The following ITPR1 variants were observed in gnomAD, a reference collection of about 807,000 sequenced individuals.
The protein encoded by ITPR1 is inositol 1,4,5-trisphosphate-gated calcium channel ITPR1.
ITPR1 carries 96 observed loss-of-function variants against 318.4 expected under a neutral mutation model. The ratio of observed to expected loss-of-function variants is 0.30; its 90% CI spans 0.26 to 0.36. ITPR1 has a LOEUF of 0.36. ITPR1 is among the 10% of genes least tolerant of loss of function. The probability of loss-of-function intolerance (pLI) is 1.00; values close to 1 mark genes in which losing one functional copy is unlikely to be tolerated. For missense variants in ITPR1, 2,440 were observed against 3,460.2 expected (o/e 0.71, Z 7.40); for synonymous variants, 1,312 against 1,289.9 (o/e 1.02, Z -0.37).
At chr3:4,647,775 T>C (rs1036919979) in intron 10 of ITPR1, among the ~76,000 whole-genome samples, 1 of 152,224 alleles carries the variant, frequency 6.6e-6, no homozygotes, top group African/African-American at 2.4e-5. Context: ...GGCATCTGTG[T>C]AGCTTCTCTG....
At chr3:4,784,582 T>TAA (rs1553744554) in intron 51 of ITPR1, among the ~76,000 whole-genome samples, 5 of 146,478 alleles carry the variant, frequency 3.4e-5, no homozygotes, top group South Asian at 2.2e-4. Context: ...TTTTTTTTTT[T>TAA]AAAAAAGGTG....
chr3:4,566,848 C>T (rs977984584), intron 4 of ITPR1, among the ~76,000 whole-genome samples: 3 of 152,192 alleles, frequency 2.0e-5, no homozygotes, highest in Non-Finnish European at 4.4e-5. Flanking sequence ...TTAATTTCCT[C>T]CTCAGGAGAG....
At chr3:4,506,154 G>T (rs1332205581) in intron 2 of ITPR1, among the ~76,000 whole-genome samples, 1 of 152,164 alleles carries the variant, frequency 6.6e-6, no homozygotes, top group East Asian at 1.9e-4. Flanking sequence ...AGATAAGGGA[G>T]GTAACTTGAT....
intron 4 of ITPR1, among the ~76,000 whole-genome samples, chr3:4,626,186 G>C (rs886485782): frequency 6.8e-6 from 1 of 147,492 alleles, no homozygotes; most frequent in Non-Finnish European, 1.5e-5. Flanking sequence ...TAAACTTTCT[G>C]TGTGTGTGTG....
At chr3:4,763,736 G>A (rs1407278208) in intron 44 of ITPR1, among the ~76,000 whole-genome samples, 13 of 152,366 alleles carry the variant, frequency 8.5e-5, no homozygotes, top group Middle Eastern at 3.4e-3. Flanking sequence ...GCAATGTGGC[G>A]TTCTCAGCGC....
At chr3:4,787,537 GA>G (rs34822261) in intron 51 of ITPR1, among the ~76,000 whole-genome samples, 53 of 130,352 alleles carry the variant, frequency 4.1e-4, no homozygotes, top group South Asian at 7.6e-4. Context: ...AATACTGGAG[GA>G]AAAAAAAAAA....
chr3:4,792,961 C>G (rs998776525), intron 52 of ITPR1, among the ~76,000 whole-genome samples: 6 of 151,986 alleles, frequency 3.9e-5, no homozygotes, highest in African/African-American at 1.2e-4. Flanking sequence ...TCGGGAACCA[C>G]CACTAGATTG....
At chr3:4,494,162 A>G (rs2080368315) in intron 1 of ITPR1, among the ~76,000 whole-genome samples, 1 of 152,200 alleles carries the variant, frequency 6.6e-6, no homozygotes, top group Non-Finnish European at 1.5e-5. Flanking sequence ...GGATCTGCCA[A>G]ACACTTCCCT....
At chr3:4,589,194 A>G (rs1273999959) in intron 4 of ITPR1, among the ~76,000 whole-genome samples, 2 of 152,330 alleles carry the variant, frequency 1.3e-5, no homozygotes, top group South Asian at 2.1e-4. Context: ...ATATGTGTAT[A>G]TAAAACTGCA....
Position 4,777,249 on chromosome 3 carries a change from T to C in ITPR1, c.6181-15T>C. The C allele has an allele frequency of 6.7e-7, 1 of 1,497,812 alleles. No individual in the cohort carries two copies. The highest frequency in any genetic ancestry group is 9.2e-7 in the Non-Finnish European group (1 of 1,085,666). 92.8% of individuals were successfully genotyped at this position (1,497,812 alleles called of 1,614,324 possible). On this transcript the variant is annotated splice_polypyrimidine_tract_variant and intron_variant, in intron 47 of 61. Coordinates refer to ENST00000649015, the MANE Select transcript of ITPR1 (RefSeq NM_001378452.1). ...ACCAGCGTTTGTGTGAATGTCTGTG[T>C]GTGTCTTTGCTCAGAACTGCATAGC...
Position 4,681,390 on chromosome 3 carries a change from G to A in ITPR1, c.3133G>A (p.Glu1045Lys). 1 of 1,612,712 alleles carries A rather than the reference G, an allele frequency of 6.2e-7. No individual in the cohort carries two copies. The highest frequency in any genetic ancestry group is 8.5e-7 in the Non-Finnish European group (1 of 1,179,014). The change falls in exon 26 of 62, where the codon GAA becomes AAA. Residue 1045 changes from glutamate to lysine, a missense_variant. Glu to Lys is a moderately conservative substitution (Grantham distance 56, BLOSUM62 1). Transcript: ENST00000649015. ...TGCTCTTGACTTTGAACACATTGAA[G>A]AACAAGCAGAAGGCATCTTTGGAGG... Reference protein sequence around the residue: ...PGALDFEHIEEQAEGIFGGSE... With the variant: ...PGALDFEHIEKQAEGIFGGSE...
chr3:4,719,147 G>T (rs1251557607), intron 40 of ITPR1, among the ~76,000 whole-genome samples: 1 of 152,124 alleles, frequency 6.6e-6, no homozygotes, highest in Non-Finnish European at 1.5e-5. Context: ...AGTTGGAGCA[G>T]GTGTGTTTGT....
intron 4 of ITPR1, among the ~76,000 whole-genome samples, chr3:4,568,692 T>C (rs1460003780): frequency 6.6e-6 from 1 of 152,132 alleles, no homozygotes; most frequent in Non-Finnish European, 1.5e-5. Context: ...GAGTAAGGAA[T>C]GAGCCATGTT....
intron 59 of ITPR1, 130 bp downstream of exon 59, chr3:4,815,348 G>A (rs1031586943): frequency 1.6e-5 from 12 of 769,924 alleles, no homozygotes; most frequent in Admixed American, 1.0e-4. Context: ...CTGCTGCTTC[G>A]TCTTGACTCT....
intron 44 of ITPR1, among the ~76,000 whole-genome samples, chr3:4,757,244 C>T (rs1247762380): frequency 6.6e-6 from 1 of 152,168 alleles, no homozygotes; most frequent in Non-Finnish European, 1.5e-5. Flanking sequence ...TAAAAAAGGA[C>T]TCCAGACCCA....
chr3:4,597,590 C>G (rs1031077639), intron 4 of ITPR1, among the ~76,000 whole-genome samples: 2 of 152,108 alleles, frequency 1.3e-5, no homozygotes, highest in African/African-American at 4.8e-5. Flanking sequence ...CATTTGGGCT[C>G]CTCTGTGAAA....
chr3:4,704,874 A>T (rs1485096686), intron 36 of ITPR1, among the ~76,000 whole-genome samples: 1 of 152,062 alleles, frequency 6.6e-6, no homozygotes, highest in Non-Finnish European at 1.5e-5. Flanking sequence ...GCTTATGAAT[A>T]TCCAAGGCAT....
At chr3:4,692,361 C>T (rs561582251) in intron 32 of ITPR1, among the ~76,000 whole-genome samples, 1 of 152,202 alleles carries the variant, frequency 6.6e-6, no homozygotes, top group South Asian at 2.1e-4. Context: ...TTTTGGAAGC[C>T]GGTCATACTC....
At chr3:4,645,153 C>G (rs1387881907) in intron 8 of ITPR1, among the ~76,000 whole-genome samples, 1 of 152,118 alleles carries the variant, frequency 6.6e-6, no homozygotes, top group Non-Finnish European at 1.5e-5. Context: ...GGCTTGGTTC[C>G]ATTAGTCATG....
Sources: allele counts gnomAD v4.1 joint callset (sites outside exome capture counted in the v4.1 genomes callset), GRCh38; gene constraint gnomAD v4.1.1; transcripts MANE v1.5; gene names NCBI Gene and HGNC (gene_info 2026-07-23, HGNC 2026-07-21).